SLC19A1: variants seen among roughly 807,000 people sequenced by gnomAD.
SLC19A1 encodes solute carrier family 19 member 1, also known as reduced folate transporter.
A neutral mutation model predicts 35.3 loss-of-function variants in SLC19A1; 37 were observed. The observed-to-expected ratio is 1.05, with a 90% CI of 0.81 to 1.38. SLC19A1 has a LOEUF of 1.38. SLC19A1 is among the 40% of genes most tolerant of loss of function. SLC19A1 has a pLI of 0.00. For synonymous variants in SLC19A1, 460 were observed against 398.5 expected, an observed-to-expected ratio of 1.15 and a Z score of -1.84; for missense variants, 831 against 826.9, an observed-to-expected ratio of 1.00 and a Z score of -0.06.
rs1162799656 is a variant in SLC19A1 at position 45,515,365 on chromosome 21, C to G, written c.*293G>C. ...GCAGAAAGGATTTGTCTCAAGCCCC[C>G]CAAGGGGCATGAGCCAGTGAGGCCT... On this transcript the variant is annotated 3_prime_UTR_variant, in exon 6 of 6. Coordinates refer to ENST00000311124, the MANE Select transcript of SLC19A1 (RefSeq NM_194255.4). The G allele has an allele frequency of 8.3e-6, 12 of 1,438,804 alleles. No homozygotes were observed. The South Asian group carries it at 1.5e-4, about 18-fold the overall frequency. 89.1% of individuals were successfully genotyped at this position (1,438,804 alleles called of 1,614,324 possible). A position where few individuals can be genotyped will look rare whatever the true frequency, so the allele number is the denominator to read the frequency against.
At chr21:45,509,563 A>G (rs1205452584), downstream of SLC19A1, 12 of 1,532,590 alleles carry the variant, frequency 7.8e-6, no homozygotes, top group East Asian at 2.4e-4. Context: ...GCGACCCACA[A>G]GCCCACCCGC....
At chr21:45,510,297 G>C (rs536097436), downstream of SLC19A1, 2 of 1,561,290 alleles carry the variant, frequency 1.3e-6, no homozygotes. Flanking sequence ...CGGGCTCCTC[G>C]GCCCCCACTT....
upstream of SLC19A1, among the ~76,000 whole-genome samples, chr21:45,546,489 C>T (rs1324687043): frequency 6.6e-6 from 1 of 152,218 alleles, no homozygotes. Context: ...AGGCCCAGCC[C>T]CTCCCAGTTG....
rs372038031 is a variant in SLC19A1, at chr21:45,524,118, C to G, written c.1293+1699G>C. Among the ~76,000 whole-genome samples, 88 of 148,634 alleles carry G rather than the reference C, an allele frequency of 5.9e-4. No individual in the cohort carries two copies. The East Asian group carries it at 0.018, about 30-fold the overall frequency. The stretch of plus-strand genomic sequence containing the variant: ...CCGCCCTGAGCGTTCACCCCTGGGC[C>G]TCGGAGACTCACCTGCCCTAAGCGT... On this transcript the variant is annotated intron_variant, in intron 5 of 5. Transcript: ENST00000311124.
At chr21:45,528,814 T>C (rs527291093) in intron 4 of SLC19A1, among the ~76,000 whole-genome samples, 16 of 152,236 alleles carry the variant, frequency 1.1e-4, no homozygotes, top group East Asian at 9.7e-4. Flanking sequence ...CATCTGTGAG[T>C]GACCATCTGC....
At chr21:45,516,181 G>GC in intron 5 of SLC19A1, 41 bp from the exon 6 acceptor site, 3 of 1,514,136 alleles carry the variant, frequency 2.0e-6, no homozygotes, top group Non-Finnish European at 2.7e-6. Context: ...GGAGGGCCTG[G>GC]CTGGGACACT....
At chr21:45,516,913 G>C (rs2037975851) in intron 5 of SLC19A1, among the ~76,000 whole-genome samples, 1 of 152,230 alleles carries the variant, frequency 6.6e-6, no homozygotes, top group African/African-American at 2.4e-5. Context: ...CAGGACAGCT[G>C]TTTTTAAAGC....
intron 1 of SLC19A1, among the ~76,000 whole-genome samples, chr21:45,560,302 C>T (rs1012534589): frequency 6.6e-6 from 1 of 152,232 alleles, no homozygotes; most frequent in African/African-American, 2.4e-5. Flanking sequence ...CGGGACACTC[C>T]ATGTCCATCA....
At chr21:45,558,452 G>A (rs2078584601) in intron 1 of SLC19A1, among the ~76,000 whole-genome samples, 4 of 152,376 alleles carry the variant, frequency 2.6e-5, no homozygotes, top group East Asian at 1.9e-4. Context: ...CAGTGGTGCC[G>A]CAGAAGGGGT....
At chr21:45,503,819 A>G (rs1488924753) in intron 3 of SLC19A1, 3 of 391,820 alleles carry the variant, frequency 7.7e-6, no homozygotes, top group Non-Finnish European at 1.4e-5. Flanking sequence ...ATAAAATAAA[A>G]ATAAAAAGGC....
intron 1 of SLC19A1, among the ~76,000 whole-genome samples, chr21:45,556,681 G>C (rs1009951132): frequency 9.2e-5 from 14 of 152,350 alleles, no homozygotes; most frequent in East Asian, 5.8e-4. Flanking sequence ...GGACATGGCC[G>C]GAGCTGCCAC....
rs137941526 is a variant in SLC19A1 at position 45,517,406 on chromosome 21, G to A, written c.1294-1266C>T. On this transcript the variant is annotated intron_variant, in intron 5 of 5. Transcript: ENST00000311124. The surrounding 1 kb of genome is among the most constrained non-coding windows in gnomAD (Gnocchi z 4.4). ...TAACAAGGACCCCCGAGTCCCCTGC[G>A]GGGTGGTGTCAGACAACACCAGTGG... Among the ~76,000 whole-genome samples, 55 of 151,620 alleles carry A rather than the reference G, an allele frequency of 3.6e-4. No homozygotes were observed. Among genetic ancestry groups the A allele is most frequent in the Middle Eastern group, 3.4e-3 (1 of 294 alleles).
At position 45,533,641 on chromosome 21, in the gene SLC19A1, T is replaced by C. The variant is rs1454187669; in HGVS notation, c.190-1493A>G. On this transcript the variant is annotated intron_variant, in intron 2 of 5. Transcript: ENST00000311124. The surrounding 1 kb of genome is among the most constrained non-coding windows in gnomAD (Gnocchi z 4.5). Reference sequence around the variant, plus strand: ...ATGAGCCAGCAGGGCCCTGCTGGACTCTGGGCCTCCAGCAGGCCCCACCCG... The same window carrying C: ...ATGAGCCAGCAGGGCCCTGCTGGACCCTGGGCCTCCAGCAGGCCCCACCCG... 6.6e-6 allele frequency among the ~76,000 whole-genome samples: 1 copy of C among 151,206 alleles called. No homozygotes were observed. Among genetic ancestry groups the C allele is most frequent in the Non-Finnish European group, 1.5e-5 (1 of 67,686 alleles).
chr21:45,550,353 T>C (rs4818791), intron 1 of SLC19A1, among the ~76,000 whole-genome samples: 121,193 of 152,120 alleles, frequency 0.8, 48,694 homozygotes, highest in African/African-American at 0.91. Flanking sequence ...CCTCAGGCCC[T>C]CGTATGCCAG....
downstream of SLC19A1, among the ~76,000 whole-genome samples, chr21:45,508,335 G>A (rs1179898242): frequency 2.0e-5 from 3 of 151,024 alleles, no homozygotes; most frequent in East Asian, 5.9e-4. Context: ...GGATAGATGG[G>A]CAGATGGATG....
At chr21:45,524,914 G>T (rs985548188) in intron 5 of SLC19A1, among the ~76,000 whole-genome samples, 2 of 152,204 alleles carry the variant, frequency 1.3e-5, no homozygotes, top group African/African-American at 4.8e-5. Context: ...CACCTGGGTC[G>T]GGGGTGTTGT....
chr21:45,529,874 C>A (rs532970836), intron 4 of SLC19A1, among the ~76,000 whole-genome samples: 2 of 144,346 alleles, frequency 1.4e-5, no homozygotes, highest in East Asian at 4.3e-4. Context: ...ATGGTGCATT[C>A]ATGTGAGTGT....
downstream of SLC19A1, chr21:45,509,390 T>G: frequency 6.5e-7 from 1 of 1,542,096 alleles, no homozygotes; most frequent in Non-Finnish European, 8.7e-7. Flanking sequence ...CCCCCCGTGG[T>G]GCAGCTGCAC....
chr21:45,509,767 G>C (rs995608398), downstream of SLC19A1, among the ~76,000 whole-genome samples: 1 of 152,206 alleles, frequency 6.6e-6, no homozygotes, highest in East Asian at 1.9e-4. Flanking sequence ...CCTGGGACTT[G>C]CCCTCTGGTG....
Sources: gnomAD v4.1 joint callset for allele counts (sites outside exome capture counted in the v4.1 genomes callset) on GRCh38, gnomAD v4.1.1 for gene constraint, Gnocchi (gnomAD v3.1) non-coding constraint, MANE v1.5 for transcripts, NCBI Gene and HGNC (gene_info 2026-07-23, HGNC 2026-07-21) for gene names.